NDRG3: variants seen among roughly 807,000 people sequenced by gnomAD.
NDRG3 encodes the protein NDRG family member 3.
A neutral mutation model predicts 57.2 loss-of-function variants in NDRG3; 23 were observed. That is an observed-to-expected ratio of 0.40 (90% CI 0.29 to 0.57). The LOEUF (loss-of-function observed/expected upper bound fraction) is 0.57, where lower values mean the gene tolerates loss of function less well. Ranked by LOEUF, NDRG3 falls within the 20% of genes least tolerant of loss-of-function variation. NDRG3 has a pLI of 0.42. For synonymous variants in NDRG3, 132 were observed against 162.6 expected (o/e 0.81, Z 1.43); for missense variants, 384 against 457.3 (o/e 0.84, Z 1.46).
At chr20:36,654,983 T>C (rs1978532182) in intron 15 of NDRG3, 3 of 673,410 alleles carry the variant, frequency 4.5e-6, no homozygotes, top group Non-Finnish European at 5.5e-6. Context: ...GAGGTGAGGC[T>C]GACAGATACT....
intron 2 of NDRG3, among the ~76,000 whole-genome samples, chr20:36,715,885 T>C (rs540656493): frequency 5.9e-5 from 9 of 151,960 alleles, no homozygotes; most frequent in Admixed American, 1.3e-4. Flanking sequence ...TCCCAGCACT[T>C]TGGGAGGCCG....
intron 8 of NDRG3, among the ~76,000 whole-genome samples, chr20:36,675,173 C>G (rs2148070709): frequency 6.7e-6 from 1 of 150,178 alleles, no homozygotes; most frequent in Non-Finnish European, 1.5e-5. Flanking sequence ...GATTCTCTTG[C>G]CTTAGCTTCC....
At chr20:36,712,393 C>CTTT (rs532490524) in intron 2 of NDRG3, among the ~76,000 whole-genome samples, 7 of 124,300 alleles carry the variant, frequency 5.6e-5, no homozygotes, top group African/African-American at 1.9e-4. Flanking sequence ...TTTTCTTTTT[C>CTTT]TTTTTTTTTT....
intron 1 of NDRG3, among the ~76,000 whole-genome samples, chr20:36,724,446 G>C (rs1273983537): frequency 6.6e-6 from 1 of 151,912 alleles, no homozygotes; most frequent in Non-Finnish European, 1.5e-5. Flanking sequence ...AAGGGGGTGA[G>C]GTGGCTTGAC....
Position 36,659,298 on chromosome 20 carries a change from G to T in NDRG3, c.858+1039C>A, listed in dbSNP as rs182852215. On this transcript the variant is annotated intron_variant, in intron 13 of 15. Coordinates refer to ENST00000349004, the MANE Select transcript of NDRG3 (RefSeq NM_032013.4). Reference sequence around the variant, plus strand: ...TAAAGTTGAGGAAAACAGATACAGGGTTGTAAATACTCTTTGACAGGGTCT... The same window carrying T: ...TAAAGTTGAGGAAAACAGATACAGGTTTGTAAATACTCTTTGACAGGGTCT... Among the ~76,000 whole-genome samples the T allele has an allele frequency of 2.0e-5, 3 of 152,052 alleles. No individual in the cohort carries two copies. In the East Asian group the frequency reaches 5.8e-4, roughly 29 times the overall value.
intron 3 of NDRG3, among the ~76,000 whole-genome samples, chr20:36,696,225 T>C (rs1982774940): frequency 6.6e-6 from 1 of 152,124 alleles, no homozygotes; most frequent in African/African-American, 2.4e-5. Context: ...GCCTCCCAAG[T>C]AGCTGGGATT....
chr20:36,653,873 T>C lies in NDRG3; in HGVS notation c.947-172A>G, dbSNP rs773187589. On this transcript the variant is annotated intron_variant, in intron 15 of 15. Coordinates refer to ENST00000349004, the MANE Select transcript of NDRG3 (RefSeq NM_032013.4). The surrounding 1 kb of genome is among the most constrained non-coding windows in gnomAD (Gnocchi z 4.2). ...CATTTGCTCTAGGTGAGTGGCGATA[T>C]GTGAGGCCACTTTAATCCTTTAGAT... 2.0e-5 allele frequency among the ~76,000 whole-genome samples: 3 copies of C among 152,186 alleles called. No individual in the cohort carries two copies. The highest frequency in any genetic ancestry group is 7.2e-5 in the African/African-American group (3 of 41,450).
At chr20:36,681,247 AG>A (rs1191482034) in intron 7 of NDRG3, among the ~76,000 whole-genome samples, 3 of 152,134 alleles carry the variant, frequency 2.0e-5, no homozygotes, top group African/African-American at 7.2e-5. Flanking sequence ...TTCTCAACAG[AG>A]GCTTCTGAAG....
chr20:36,746,070 TGCAGCAGCAGCGGCG>T lies in NDRG3; in HGVS notation c.-89_-75del. ...CTGAGGCGCGGGCACCCGCCGTCAGTGCAGCAGCAGCGGCGGCGGCGGCGGCGGCGGCGGCGGCGG... is the reference window on the plus strand; with the variant it reads ...CTGAGGCGCGGGCACCCGCCGTCAGTGCGGCGGCGGCGGCGGCGGCGGCGG... On this transcript the variant is annotated 5_prime_UTR_variant, in exon 1 of 16. Transcript: ENST00000349004. The T allele has an allele frequency of 3.1e-6, 1 of 319,716 alleles. No homozygotes were observed. The highest frequency in any genetic ancestry group is 5.4e-6 in the Non-Finnish European group (1 of 186,026). 19.8% of individuals were successfully genotyped at this position (319,716 alleles called of 1,614,324 possible). A position where few individuals can be genotyped will look rare whatever the true frequency, so the allele number is the denominator to read the frequency against.
intron 1 of NDRG3, among the ~76,000 whole-genome samples, chr20:36,745,500 T>G (rs1044682281): frequency 4.6e-5 from 7 of 152,174 alleles, no homozygotes; most frequent in Admixed American, 3.9e-4. Flanking sequence ...GCACTTCACC[T>G]TTCCGTGCCT....
At chr20:36,744,895 T>TAGCCCAGTC (rs1263031422) in intron 1 of NDRG3, among the ~76,000 whole-genome samples, 10 of 142,206 alleles carry the variant, frequency 7.0e-5, no homozygotes, top group African/African-American at 1.3e-4. Flanking sequence ...CCCGCCCAGC[T>TAGCCCAGTC]AGCCCAGTCA....
chr20:36,724,539 A>C (rs1416644030), intron 1 of NDRG3, among the ~76,000 whole-genome samples: 1 of 152,196 alleles, frequency 6.6e-6, no homozygotes, highest in African/African-American at 2.4e-5. Flanking sequence ...GCCTAACTGG[A>C]ATCTACTCCA....
intron 15 of NDRG3, among the ~76,000 whole-genome samples, chr20:36,655,540 C>T (rs1424040512): frequency 1.3e-5 from 2 of 152,238 alleles, no homozygotes; most frequent in African/African-American, 4.8e-5. Flanking sequence ...TCTCCAAGTT[C>T]GTCCCCTGGG....
chr20:36,721,554 A>G, intron 2 of NDRG3, 125 bp downstream of exon 2: 1 of 607,408 alleles, frequency 1.6e-6, no homozygotes, highest in South Asian at 2.4e-5. Flanking sequence ...AGATTTTTAA[A>G]GTATTCCTTT....
chr20:36,687,431 G>A (rs777445497), intron 5 of NDRG3, 61 bp downstream of exon 5: 2 of 1,581,522 alleles, frequency 1.3e-6, no homozygotes, highest in Non-Finnish European at 1.7e-6. Flanking sequence ...TTCTCCCACT[G>A]GAGCTCAGCC....
intron 1 of NDRG3, among the ~76,000 whole-genome samples, chr20:36,741,667 G>A (rs1985935792): frequency 6.6e-6 from 1 of 152,096 alleles, no homozygotes; most frequent in Non-Finnish European, 1.5e-5. Context: ...TGACTCACAC[G>A]CACTTTTTTG....
chr20:36,674,886 ATTTTTTTTTTTTTT>A (rs34146274), intron 8 of NDRG3, among the ~76,000 whole-genome samples: 2 of 39,668 alleles, frequency 5.0e-5, no homozygotes, highest in African/African-American at 1.0e-4. Context: ...GCCCAGCCAG[ATTTTTTTTTTTTTT>A]TTTTTTTTTT....
At chr20:36,705,278 C>T (rs1229300714) in intron 3 of NDRG3, among the ~76,000 whole-genome samples, 1 of 148,876 alleles carries the variant, frequency 6.7e-6, no homozygotes. Flanking sequence ...CCAGTATCAA[C>T]GCCACTGCAC....
At chr20:36,731,938 C>G (rs1207748149) in intron 1 of NDRG3, among the ~76,000 whole-genome samples, 1 of 151,942 alleles carries the variant, frequency 6.6e-6, no homozygotes, top group Admixed American at 6.6e-5. Flanking sequence ...CTGAGCAACA[C>G]AGTGAGACCC....
Sources: allele counts gnomAD v4.1 joint callset (sites outside exome capture counted in the v4.1 genomes callset), GRCh38; gene constraint gnomAD v4.1.1; non-coding constraint Gnocchi (gnomAD v3.1); transcripts MANE v1.5; gene names NCBI Gene and HGNC (gene_info 2026-07-23, HGNC 2026-07-21).